AP4M1: variants seen among roughly 807,000 people sequenced by gnomAD.
The protein encoded by AP4M1 is AP-4 complex subunit mu-1.
A neutral mutation model predicts 62.4 loss-of-function variants in AP4M1; 58 were observed. The ratio of observed to expected loss-of-function variants is 0.93; its 90% confidence interval spans 0.75 to 1.16. AP4M1 has a LOEUF of 1.16. AP4M1 is among the 50% of genes most tolerant of loss of function. The pLI, the probability that AP4M1 is intolerant of heterozygous loss-of-function variation, is 0.00. For synonymous variants in AP4M1, 290 were observed against 239.7 expected, an observed-to-expected ratio of 1.21 and a Z score of -1.94; for missense variants, 626 against 585.4, an observed-to-expected ratio of 1.07 and a Z score of -0.72.
Position 100,101,863 on chromosome 7 carries a change from G to A in AP4M1, c.59-17G>A, listed in dbSNP as rs749768533. On this transcript the variant is annotated splice_polypyrimidine_tract_variant and intron_variant, in intron 1 of 14. Transcript: ENST00000359593. ...CCTGTGTCGCAGGATCCTTCACTGA[G>A]TCCTTCCACCCGCCAGTCCGCGGGG... 32 of 1,612,888 alleles carry A rather than the reference G, an allele frequency of 2.0e-5. No homozygotes were observed. Among genetic ancestry groups the A allele is most frequent in the Non-Finnish European group, 2.5e-5 (30 of 1,179,880 alleles).
At position 100,108,318 on chromosome 7, in the gene AP4M1, G is replaced by A. The variant is rs1220178067; in HGVS notation, c.*1436G>A. ...GTGTGCAAGTGCCTGTCCCACACAG[G>A]GGTTCTCCTCTGCTTCCTCCTATTC... On this transcript the variant is annotated 3_prime_UTR_variant, in exon 15 of 15. Transcript: ENST00000359593. 6.4e-7 allele frequency: 1 copy of A among 1,552,900 alleles called. No homozygotes were observed. The highest frequency in any genetic ancestry group is 8.7e-7 in the Non-Finnish European group (1 of 1,150,540).
chr7:100,102,503 T>C (rs1796133391), intron 2 of AP4M1, 172 bp from the exon 3 acceptor site: 2 of 673,902 alleles, frequency 3.0e-6, no homozygotes. Context: ...GTTAGTGTAA[T>C]TAACCCCCTT....
At chr7:100,100,945 C>G, upstream of AP4M1, 1 of 1,055,682 alleles carries the variant, frequency 9.5e-7, no homozygotes, top group African/African-American at 1.7e-5. Flanking sequence ...AGCCCAGAGC[C>G]CTTAAGACTC....
rs770623519 is a variant in AP4M1, at chr7:100,103,419, A to G, written c.362A>G (p.Tyr121Cys). The change falls in exon 5 of 15, where the codon TAT becomes TGT. Residue 121 changes from tyrosine (Y) to cysteine (C), a missense_variant. Tyr to Cys is a radical substitution (Grantham distance 194). Transcript: ENST00000359593. ...TTCCTTTACCACTAGGACTATGGCT[A>G]TGTACAGACCACATCCACGGAGATG... ...ELLDEVLDYG[Y>C]VQTTSTEMLR... The G allele has an allele frequency of 1.2e-6, 2 of 1,613,840 alleles. No individual in the cohort carries two copies. Among genetic ancestry groups the G allele is most frequent in the Non-Finnish European group, 1.7e-6 (2 of 1,179,822 alleles).
chr7:100,107,217 T>G lies in AP4M1; in HGVS notation c.*335T>G. ...GCACGTGTGTACATGTCTGCATGTG[T>G]GGGAATCCGGGGGCTGGCAGGTGGA... On this transcript the variant is annotated 3_prime_UTR_variant, in exon 15 of 15. Coordinates refer to ENST00000359593, the MANE Select transcript of AP4M1 (RefSeq NM_004722.4). 6.6e-7 allele frequency: 1 copy of G among 1,518,622 alleles called. No homozygotes were observed. The highest frequency in any genetic ancestry group is 8.8e-7 in the Non-Finnish European group (1 of 1,136,056). The allele number at this position is 1,518,622 out of a possible 1,614,324, so 94.1% of individuals were successfully genotyped here. A position where few individuals can be genotyped will look rare whatever the true frequency, so the allele number is the denominator to read the frequency against.
At chr7:100,101,212 T>TC, upstream of AP4M1, 1 of 1,608,420 alleles carries the variant, frequency 6.2e-7, no homozygotes, top group South Asian at 1.1e-5. Flanking sequence ...CAACAGGTGT[T>TC]CCCCGGGAGG....
At position 100,106,813 on chromosome 7, in the gene AP4M1, C is replaced by G; in HGVS notation, c.1293C>G (p.Cys431Trp). The change falls in exon 15 of 15, where the codon TGC becomes TGG. Residue 431 changes from cysteine to tryptophan, a missense_variant. Coordinates refer to ENST00000359593, the MANE Select transcript of AP4M1 (RefSeq NM_004722.4). The part of the protein sequence containing the change: ...VRFLRLAFRP[C>W]GNANPHKWVR... ...TCCTCAGGCTGGCCTTCAGGCCATG[C>G]GGCAATGCCAACCCCCACAAGTGGG... 1 of 1,614,032 alleles carries G rather than the reference C, an allele frequency of 6.2e-7. No homozygotes were observed.
intron 2 of AP4M1, 77 bp from the exon 3 acceptor site, chr7:100,102,598 C>G: frequency 7.6e-7 from 1 of 1,312,540 alleles, no homozygotes. Context: ...CATCGGGATC[C>G]GAGCTCAGGT....
intron 14 of AP4M1, 53 bp downstream of exon 14, chr7:100,106,567 C>CCCCCCCCCCA: frequency 1.3e-6 from 2 of 1,544,422 alleles, no homozygotes; most frequent in Non-Finnish European, 1.8e-6. Flanking sequence ...TTGCAGCCCC[C>CCCCCCCCCCA]ACCCCACCCT....
chr7:100,105,885 GA>G (rs1554380776), intron 11 of AP4M1, 73 bp from the exon 12 acceptor site: 97 of 1,558,872 alleles, frequency 6.2e-5, no homozygotes, highest in Non-Finnish European at 8.1e-5. Flanking sequence ...GCCCCACATG[GA>G]GGTCCCTGGT....
Position 100,106,981 on chromosome 7 carries a change from G to C in AP4M1, c.*99G>C. On this transcript the variant is annotated 3_prime_UTR_variant, in exon 15 of 15. Transcript: ENST00000359593. ...CTCCTGGCCTTCGGACTCTGAATCTGGGCAGGAAGAGTCCTCAGTCCCAAG... is the reference window on the plus strand; with the variant it reads ...CTCCTGGCCTTCGGACTCTGAATCTCGGCAGGAAGAGTCCTCAGTCCCAAG... The C allele has an allele frequency of 7.1e-7, 1 of 1,399,982 alleles. No homozygotes were observed. The highest frequency in any genetic ancestry group is 9.8e-7 in the Non-Finnish European group (1 of 1,022,982). The allele number at this position is 1,399,982 out of a possible 1,614,324, so 86.7% of individuals were successfully genotyped here.
Position 100,106,817 on chromosome 7 carries a change from A to G in AP4M1, c.1297A>G (p.Asn433Asp). The G allele has an allele frequency of 6.2e-7, 1 of 1,613,998 alleles. No homozygotes were observed. The highest frequency in any genetic ancestry group is 8.5e-7 in the Non-Finnish European group (1 of 1,180,048). Residue 433 changes from asparagine to aspartate, a missense_variant, in exon 15 of 15, where the codon AAT becomes GAT. Asn to Asp is a conservative substitution (Grantham distance 23, BLOSUM62 1). Coordinates refer to ENST00000359593, the MANE Select transcript of AP4M1 (RefSeq NM_004722.4). The part of the protein sequence containing the change: ...FLRLAFRPCG[N>D]ANPHKWVRHL... ...CAGGCTGGCCTTCAGGCCATGCGGC[A>G]ATGCCAACCCCCACAAGTGGGTGCG...
rs767849761 is a variant in AP4M1, at chr7:100,101,889, A to G, written c.68A>G (p.Asp23Gly). The change falls in exon 2 of 15, where the codon GAC (aspartate) becomes GGC (glycine). Residue 23 changes from aspartate to glycine, a missense_variant. Transcript: ENST00000359593. ...DPLIYKDFRG[D>G]SGGRDVAELF... ...TCCTTCCACCCGCCAGTCCGCGGGG[A>G]CAGTGGCGGCCGGGATGTGGCCGAG... 9 of 1,613,052 alleles carry G rather than the reference A, an allele frequency of 5.6e-6. No individual in the cohort carries two copies. Among genetic ancestry groups the G allele is most frequent in the Non-Finnish European group, 7.6e-6 (9 of 1,179,954 alleles).
chr7:100,105,079 G>C lies in AP4M1; in HGVS notation c.708G>C (p.Val236=). 1.2e-6 allele frequency: 2 copies of C among 1,614,152 alleles called. No homozygotes were observed. The highest frequency in any genetic ancestry group is 1.7e-6 in the Non-Finnish European group (2 of 1,180,038). The part of the protein sequence containing the change: ...MRIGLTEEFC[V]GKSELRGYGP... ...TTGGCTTGACGGAAGAGTTTTGTGT[G>C]GGGAAGTCAGAGCTGAGAGGTGAGG... The change falls in exon 9 of 15, where the codon GTG becomes GTC. Residue 236 remains valine (V), a synonymous_variant. Coordinates refer to ENST00000359593, the MANE Select transcript of AP4M1 (RefSeq NM_004722.4).
rs2116689124 is a variant in AP4M1 at position 100,107,321 on chromosome 7, A to G, written c.*439A>G. On this transcript the variant is annotated 3_prime_UTR_variant, in exon 15 of 15. Coordinates refer to ENST00000359593, the MANE Select transcript of AP4M1 (RefSeq NM_004722.4). ...TTGGAGTCCCTGGAGCTGGAGGGGG[A>G]CTGTCCCCAGCCTCCTGCTTCCCCC... 1 of 1,535,932 alleles carries G rather than the reference A, an allele frequency of 6.5e-7. No homozygotes were observed. Among genetic ancestry groups the G allele is most frequent in the South Asian group, 1.3e-5 (1 of 78,250 alleles).
At position 100,107,730 on chromosome 7, in the gene AP4M1, G is replaced by T; in HGVS notation, c.*848G>T. 6.7e-7 allele frequency: 1 copy of T among 1,493,192 alleles called. No homozygotes were observed. The highest frequency in any genetic ancestry group is 9.0e-7 in the Non-Finnish European group (1 of 1,116,622). The allele number at this position is 1,493,192 out of a possible 1,614,324, so 92.5% of individuals were successfully genotyped here. ...CCTGCCTGAACAAGTTGTTCCTGTAGTTCACCCTGTAGACAGCTATGGCTG... is the reference window on the plus strand; with the variant it reads ...CCTGCCTGAACAAGTTGTTCCTGTATTTCACCCTGTAGACAGCTATGGCTG... On this transcript the variant is annotated 3_prime_UTR_variant, in exon 15 of 15. Transcript: ENST00000359593.
intron 11 of AP4M1, 32 bp downstream of exon 11, chr7:100,105,571 T>G: frequency 6.3e-7 from 1 of 1,581,536 alleles, no homozygotes; most frequent in Non-Finnish European, 8.7e-7. Context: ...TAGAACTACC[T>G]TGGAACCCAA....
chr7:100,104,517 C>T (rs756029917), intron 7 of AP4M1, among the ~76,000 whole-genome samples: 2 of 150,698 alleles, frequency 1.3e-5, no homozygotes, highest in African/African-American at 2.4e-5. Context: ...GAGCAAGACC[C>T]TGTCTCTTAA....
upstream of AP4M1, chr7:100,101,160 C>T (rs959571356): frequency 1.4e-5 from 21 of 1,476,744 alleles, no homozygotes; most frequent in Admixed American, 2.9e-4. Context: ...TCGCGCACCC[C>T]AGAACCCGCC....
Sources: gnomAD v4.1 joint callset for allele counts (sites outside exome capture counted in the v4.1 genomes callset) on GRCh38, gnomAD v4.1.1 for gene constraint, MANE v1.5 for transcripts, NCBI Gene and HGNC (gene_info 2026-07-23, HGNC 2026-07-21) for gene names.